The following SLC13A3 variants were observed in gnomAD, a reference collection of about 807,000 sequenced individuals.
The protein encoded by SLC13A3 is solute carrier family 13 member 3.
Under a neutral mutation model 59.0 loss-of-function variants are expected in SLC13A3, and 40 were observed. The ratio of observed to expected loss-of-function variants is 0.68; its 90% CI spans 0.53 to 0.88. The LOEUF (loss-of-function observed/expected upper bound fraction) is 0.88. SLC13A3 is among the 40% of genes least tolerant of loss of function. SLC13A3 has a pLI of 0.00. For synonymous variants in SLC13A3, 317 were observed against 330.3 expected (o/e 0.96, Z 0.44); for missense variants, 699 against 783.2 (o/e 0.89, Z 1.28).
At chr20:46,591,708 CTCA>C (rs1454180471) in intron 6 of SLC13A3, among the ~76,000 whole-genome samples, 1 of 152,096 alleles carries the variant, frequency 6.6e-6, no homozygotes, top group Non-Finnish European at 1.5e-5. Flanking sequence ...GTATTTTGTC[CTCA>C]TGCCACCCCA....
chr20:46,655,947 T>C (rs1221434370), upstream of SLC13A3, among the ~76,000 whole-genome samples: 1 of 142,564 alleles, frequency 7.0e-6, no homozygotes, highest in Non-Finnish European at 1.5e-5. Flanking sequence ...ACAGTATATA[T>C]ATACAGTATA....
At position 46,583,555 on chromosome 20, in the gene SLC13A3, A is replaced by T. The variant is rs778143777; in HGVS notation, c.1219+17T>A. The T allele has an allele frequency of 1.2e-6, 2 of 1,613,432 alleles. No individual in the cohort carries two copies. The highest frequency in any genetic ancestry group is 8.5e-7 in the Non-Finnish European group (1 of 1,179,816). On this transcript the variant is annotated intron_variant, in intron 9 of 12. Transcript: ENST00000279027. ...TCCTCACTGAGCCCACCGAGACCCC[A>T]GCCTTGACCACCTTACCTTTGAAGT...
rs114930408 is a variant in SLC13A3, at chr20:46,650,132, A to G, written c.111+1179T>C. Among the ~76,000 whole-genome samples the G allele has an allele frequency of 4.0e-3, 608 of 152,272 alleles. 3 individuals carry two copies. Among genetic ancestry groups the G allele is most frequent in the African/African-American group, 0.013 (554 of 41,560 alleles). The stretch of plus-strand genomic sequence containing the variant: ...GGCTGGGCTGGGCAGGGCACAGGTG[A>G]AGAACCCAAAAGGGACCTGTGGTAC... On this transcript the variant is annotated intron_variant, in intron 1 of 12. Transcript: ENST00000279027.
intron 1 of SLC13A3, among the ~76,000 whole-genome samples, chr20:46,664,963 C>T (rs978733907): frequency 2.0e-5 from 3 of 151,990 alleles, no homozygotes; most frequent in Non-Finnish European, 2.9e-5. Context: ...TCCTGAAAGC[C>T]CAAGTAGGGA....
chr20:46,644,868 C>T (rs943218248), intron 1 of SLC13A3, among the ~76,000 whole-genome samples: 2 of 152,194 alleles, frequency 1.3e-5, no homozygotes, highest in African/African-American at 2.4e-5. Context: ...ACTTCCCAGC[C>T]GCTCCTGGGA....
intron 11 of SLC13A3, 134 bp downstream of exon 11, chr20:46,566,095 G>A: frequency 1.4e-6 from 1 of 708,920 alleles, no homozygotes; most frequent in East Asian, 2.5e-5. Flanking sequence ...TTGTACTGTG[G>A]TTCTGATACG....
chr20:46,596,419 A>G, intron 4 of SLC13A3, 77 bp from the exon 5 acceptor site: 1 of 1,350,958 alleles, frequency 7.4e-7, no homozygotes, highest in Non-Finnish European at 1.0e-6. Context: ...TTGGGGAGCT[A>G]AGTGATCTTT....
At chr20:46,580,621 A>G (rs1270717220) in intron 9 of SLC13A3, among the ~76,000 whole-genome samples, 1 of 152,086 alleles carries the variant, frequency 6.6e-6, no homozygotes, top group Non-Finnish European at 1.5e-5. Flanking sequence ...GGACTCCCTC[A>G]TTTTCTAAGT....
chr20:46,576,852 A>C (rs2062081762), intron 9 of SLC13A3, among the ~76,000 whole-genome samples: 1 of 152,176 alleles, frequency 6.6e-6, no homozygotes, highest in Admixed American at 6.5e-5. Context: ...TCTACCTAAA[A>C]CAAGATTTTA....
chr20:46,566,552 G>A, intron 10 of SLC13A3, 162 bp from the exon 11 acceptor site: 1 of 693,198 alleles, frequency 1.4e-6, no homozygotes, highest in Non-Finnish European at 2.3e-6. Context: ...ACACATTCGA[G>A]CCAAGGTCAC....
At chr20:46,582,878 CGCAAGCTG>C in intron 9 of SLC13A3, 5 of 985,364 alleles carry the variant, frequency 5.1e-6, no homozygotes, top group Non-Finnish European at 6.0e-6. Context: ...CGGAGGGAGT[CGCAAGCTG>C]GCAATCTGAA....
At chr20:46,647,944 A>G (rs1443387607) in intron 1 of SLC13A3, among the ~76,000 whole-genome samples, 1 of 152,224 alleles carries the variant, frequency 6.6e-6, no homozygotes, top group Non-Finnish European at 1.5e-5. Context: ...TTAGTGATCC[A>G]TGTATACAAT....
At chr20:46,681,586 A>AG (rs1282030547) in intron 1 of SLC13A3, 2 of 152,390 alleles carry the variant, frequency 1.3e-5, no homozygotes, top group African/African-American at 4.8e-5. Flanking sequence ...CTAGAATTAA[A>AG]GGACGCAAGG....
At chr20:46,647,586 C>A (rs759018024) in intron 1 of SLC13A3, among the ~76,000 whole-genome samples, 4 of 152,162 alleles carry the variant, frequency 2.6e-5, no homozygotes, top group Non-Finnish European at 4.4e-5. Context: ...GTGCTGGAAG[C>A]GGCAGCCATG....
chr20:46,651,413 C>A lies in SLC13A3; in HGVS notation c.9G>T (p.Ala3=), dbSNP rs1037992097. 12 of 1,486,814 alleles carry A rather than the reference C, an allele frequency of 8.1e-6. No individual in the cohort carries two copies. The highest frequency in any genetic ancestry group is 2.3e-4 in the Middle Eastern group (1 of 4,282). The allele number at this position is 1,486,814 out of a possible 1,614,324, so 92.1% of individuals were successfully genotyped here. ...ACACCTTCTTGGCCGCTGCTGCCAG[C>A]GCCGCCATCAGCGCGATCGCCTGGC... MA[A]LAAAAKKVWS... is the part of the protein sequence containing the mutation. The change falls in exon 1 of 13, where the codon GCG becomes GCT. Residue 3 remains alanine, a synonymous_variant. Transcript: ENST00000279027.
At chr20:46,664,630 T>C (rs2063051659) in intron 1 of SLC13A3, among the ~76,000 whole-genome samples, 1 of 152,222 alleles carries the variant, frequency 6.6e-6, no homozygotes, top group Admixed American at 6.5e-5. Flanking sequence ...TAAAATGTAT[T>C]ATAATCAAAA....
Position 46,561,649 on chromosome 20 carries a change from A to AG in SLC13A3, c.1633-1452dup, listed in dbSNP as rs202165860. Among the ~76,000 whole-genome samples, 996 of 146,750 alleles carry AG rather than the reference A, an allele frequency of 6.8e-3. 24 individuals are homozygous for AG. The East Asian group carries it at 0.082, about 12-fold the overall frequency. On this transcript the variant is annotated intron_variant, in intron 12 of 12. Coordinates refer to ENST00000279027, the MANE Select transcript of SLC13A3 (RefSeq NM_022829.6). ...ATTTCTTCTGGAATATTCTTATTCA[A>AG]GTTTTTTTTTGTTTTTTTTTTTTAA...
intron 9 of SLC13A3, chr20:46,582,646 G>A: frequency 1.0e-6 from 1 of 984,794 alleles, no homozygotes; most frequent in Non-Finnish European, 1.2e-6. Context: ...TATGGAGCTT[G>A]CAAAATCCTC....
chr20:46,645,510 C>T (rs2062885959), intron 1 of SLC13A3, among the ~76,000 whole-genome samples: 1 of 152,190 alleles, frequency 6.6e-6, no homozygotes, highest in African/African-American at 2.4e-5. Flanking sequence ...CATCCCCAGA[C>T]AAGACACGCT....
Sources: gnomAD v4.1 joint callset for allele counts (sites outside exome capture counted in the v4.1 genomes callset) on GRCh38, gnomAD v4.1.1 for gene constraint, MANE v1.5 for transcripts, NCBI Gene and HGNC (gene_info 2026-07-23, HGNC 2026-07-21) for gene names.